Variants in SPECC1 observed in about 807,000 individuals in gnomAD.
The protein encoded by SPECC1 is sperm antigen with calponin homology and coiled-coil domains 1.
In SPECC1, 62 loss-of-function variants were observed where a neutral mutation model predicts 104.1. The ratio of observed to expected loss-of-function variants is 0.60; its 90% CI spans 0.49 to 0.74. The LOEUF (loss-of-function observed/expected upper bound fraction) is 0.74. SPECC1 is among the 30% of genes least tolerant of loss of function. The pLI is 0.00. For missense variants in SPECC1, 1,306 were observed against 1,310.5 expected (o/e 1.00, Z 0.05); for synonymous variants, 513 against 501.6 (o/e 1.02, Z -0.30).
At chr17:20,094,877 G>A (rs1360087437) in intron 1 of SPECC1, among the ~76,000 whole-genome samples, 1 of 152,150 alleles carries the variant, frequency 6.6e-6, no homozygotes, top group Non-Finnish European at 1.5e-5. Flanking sequence ...TGGAATTACA[G>A]GCATGAGCCA....
At chr17:20,184,735 G>A (rs2035144328) in intron 3 of SPECC1, among the ~76,000 whole-genome samples, 2 of 152,096 alleles carry the variant, frequency 1.3e-5, no homozygotes, top group South Asian at 4.1e-4. Context: ...TATAAGAGAG[G>A]GCCGGCTTTA....
chr17:20,077,823 A>G (rs1408620748), intron 1 of SPECC1, among the ~76,000 whole-genome samples: 2 of 152,128 alleles, frequency 1.3e-5, no homozygotes, highest in African/African-American at 4.8e-5. Flanking sequence ...CTGAGGCAAC[A>G]TAAGATTCTG....
At chr17:20,016,356 C>T (rs1032290326) in intron 1 of SPECC1, among the ~76,000 whole-genome samples, 2 of 152,228 alleles carry the variant, frequency 1.3e-5, no homozygotes, top group African/African-American at 4.8e-5. Flanking sequence ...TTAGTGCCCA[C>T]TCTGGCCGCG....
chr17:20,205,131 C>T lies in SPECC1; in HGVS notation c.1082C>T (p.Ser361Phe). 1 of 1,614,110 alleles carries T rather than the reference C, an allele frequency of 6.2e-7. No homozygotes were observed. The change falls in exon 4 of 15, where the codon TCC becomes TTC. Residue 361 changes from serine to phenylalanine, a missense_variant. Physicochemically the swap from Ser to Phe is radical, Grantham distance 155. Coordinates refer to ENST00000395527, the MANE Select transcript of SPECC1 (RefSeq NM_001243439.2). ...KSSKCSTAGSSPNSVSELSLA... is the reference protein window; with the variant it reads ...KSSKCSTAGSFPNSVSELSLA... ...TCAAAGTGTTCTACTGCTGGGAGTT[C>T]CCCAAACAGCGTAAGTGAATTGTCC...
chr17:20,205,222 A>G lies in SPECC1; in HGVS notation c.1173A>G (p.Leu391=), dbSNP rs1297380609. Residue 391 remains leucine, a synonymous_variant, in exon 4 of 15, where the codon CTA becomes CTG. Coordinates refer to ENST00000395527, the MANE Select transcript of SPECC1 (RefSeq NM_001243439.2). ...ACCACCATAGCACTGCAGAAGAACTACAGGCTACTCTACAAGAATTATCAG... is the reference window on the plus strand; with the variant it reads ...ACCACCATAGCACTGCAGAAGAACTGCAGGCTACTCTACAAGAATTATCAG... The part of the protein sequence containing the change: ...EENHHSTAEE[L]QATLQELSDQ... The G allele has an allele frequency of 1.9e-6, 3 of 1,614,086 alleles. No homozygotes were observed. Among genetic ancestry groups the G allele is most frequent in the Admixed American group, 1.7e-5 (1 of 60,006 alleles).
chr17:20,135,501 C>T (rs1367489668), intron 3 of SPECC1, among the ~76,000 whole-genome samples: 2 of 152,146 alleles, frequency 1.3e-5, no homozygotes, highest in East Asian at 3.9e-4. Flanking sequence ...ACCCAGGATG[C>T]AGTGCAGTGG....
At chr17:20,205,991 A>G in intron 4 of SPECC1, 79 bp downstream of exon 4, 1 of 1,505,574 alleles carries the variant, frequency 6.6e-7, no homozygotes. Context: ...TTCACAGAGC[A>G]CAGAGAAGCA....
At chr17:20,278,867 A>G (rs2040664077) in intron 12 of SPECC1, among the ~76,000 whole-genome samples, 1 of 152,198 alleles carries the variant, frequency 6.6e-6, no homozygotes, top group South Asian at 2.1e-4. Context: ...TTCAGGAAGG[A>G]AAAACAGGAT....
At chr17:20,213,123 G>T (rs1284904387) in intron 4 of SPECC1, among the ~76,000 whole-genome samples, 1 of 151,436 alleles carries the variant, frequency 6.6e-6, no homozygotes. Context: ...TTTGAGACAT[G>T]GTCTTGCTCT....
rs2142030680 is a variant in SPECC1, at chr17:20,296,873, AGAT to A, written c.2941-87_2941-85del. 2.4e-6 allele frequency: 3 copies of A among 1,236,132 alleles called. No homozygotes were observed. The East Asian group carries it at 7.1e-5, about 29-fold the overall frequency. The allele number at this position is 1,236,132 out of a possible 1,614,324, so 76.6% of individuals were successfully genotyped here. A position where few individuals can be genotyped will look rare whatever the true frequency, so the allele number is the denominator to read the frequency against. On this transcript the variant is annotated intron_variant, in intron 12 of 14. Transcript: ENST00000395527. Reference sequence around the variant, plus strand: ...TGATTTTTGCACATTGATTTTGTGTAGATTCCCATCTTATCACAATCTTCCTCA... The same window carrying A: ...TGATTTTTGCACATTGATTTTGTGTATCCCATCTTATCACAATCTTCCTCA...
intron 1 of SPECC1, among the ~76,000 whole-genome samples, chr17:20,076,055 T>A (rs970539990): frequency 1.3e-5 from 2 of 152,154 alleles, no homozygotes; most frequent in Non-Finnish European, 2.9e-5. Flanking sequence ...AATTCAAGGT[T>A]ACAATGAACT....
chr17:20,142,674 G>A (rs1455547575), intron 3 of SPECC1, among the ~76,000 whole-genome samples: 2 of 152,092 alleles, frequency 1.3e-5, no homozygotes, highest in Non-Finnish European at 2.9e-5. Flanking sequence ...TCTTTTATAG[G>A]TACCAAGTTT....
At chr17:20,040,272 CT>C (rs1295003279) in intron 1 of SPECC1, among the ~76,000 whole-genome samples, 1 of 152,058 alleles carries the variant, frequency 6.6e-6, no homozygotes, top group Non-Finnish European at 1.5e-5. Context: ...GAAACCTATA[CT>C]TTCCCCATTT....
intron 3 of SPECC1, among the ~76,000 whole-genome samples, chr17:20,192,337 G>A (rs1332255964): frequency 4.6e-5 from 7 of 151,906 alleles, no homozygotes; most frequent in African/African-American, 7.3e-5. Context: ...GTCCTTTATC[G>A]GATATGTCTT....
chr17:20,144,163 T>A (rs927364446), intron 3 of SPECC1, among the ~76,000 whole-genome samples: 11 of 147,824 alleles, frequency 7.4e-5, no homozygotes, highest in African/African-American at 2.3e-4. Flanking sequence ...TTTAATACTG[T>A]TTTTTTCTTT....
intron 4 of SPECC1, among the ~76,000 whole-genome samples, chr17:20,217,394 C>A (rs2037566699): frequency 6.6e-6 from 1 of 152,026 alleles, no homozygotes; most frequent in South Asian, 2.1e-4. Flanking sequence ...TGCTGATTTG[C>A]AGGTCCCCTC....
intron 2 of SPECC1, among the ~76,000 whole-genome samples, chr17:20,104,115 C>T (rs980195417): frequency 6.6e-6 from 1 of 152,100 alleles, no homozygotes; most frequent in African/African-American, 2.4e-5. Context: ...AGGTTACAAT[C>T]AGTTGGTTAG....
chr17:20,161,687 T>A (rs56281769), intron 3 of SPECC1, among the ~76,000 whole-genome samples: 1 of 152,206 alleles, frequency 6.6e-6, no homozygotes, highest in Non-Finnish European at 1.5e-5. Flanking sequence ...GCTTTTATCC[T>A]GTTACTCAGT....
chr17:20,088,557 T>C (rs1388522688), intron 1 of SPECC1, among the ~76,000 whole-genome samples: 4 of 152,126 alleles, frequency 2.6e-5, no homozygotes, highest in Non-Finnish European at 4.4e-5. Flanking sequence ...AAAGTCTTGA[T>C]TGGCATAAGC....
Sources: gnomAD v4.1 joint callset for allele counts (sites outside exome capture counted in the v4.1 genomes callset) on GRCh38, gnomAD v4.1.1 for gene constraint, MANE v1.5 for transcripts, NCBI Gene and HGNC (gene_info 2026-07-23, HGNC 2026-07-21) for gene names.